SUN1: variants seen among roughly 807,000 people sequenced by gnomAD.
The protein encoded by SUN1 is SUN domain-containing protein 1.
SUN1 carries 61 observed loss-of-function variants against 103.2 expected under a neutral mutation model. That is an observed-to-expected ratio of 0.59 (90% confidence interval 0.48 to 0.73). SUN1 has a LOEUF of 0.73. SUN1 is among the 30% of genes least tolerant of loss of function. The pLI, the probability that SUN1 is intolerant of heterozygous loss-of-function variation, is 0.00. For synonymous variants in SUN1, 490 were observed against 425.7 expected (o/e 1.15, Z -1.86); for missense variants, 1,052 against 1,034.6 (o/e 1.02, Z -0.23).
At chr7:846,977 C>G (rs1816464864) in intron 5 of SUN1, among the ~76,000 whole-genome samples, 1 of 152,142 alleles carries the variant, frequency 6.6e-6, no homozygotes, top group African/African-American at 2.4e-5. Context: ...CATGCCCCTG[C>G]TAGGCCACAG....
intron 5 of SUN1, chr7:849,511 G>A: frequency 7.3e-7 from 1 of 1,366,548 alleles, no homozygotes; most frequent in Non-Finnish European, 9.8e-7. Context: ...TCTTTTGCGT[G>A]TGTTGCAGCT....
intron 13 of SUN1, among the ~76,000 whole-genome samples, chr7:858,904 C>T (rs1829948245): frequency 1.3e-5 from 2 of 152,154 alleles, no homozygotes; most frequent in African/African-American, 4.8e-5. Context: ...CCTGTGATTC[C>T]AGCACTCTGG....
chr7:862,933 C>G (rs551469879), intron 15 of SUN1, among the ~76,000 whole-genome samples: 67 of 152,304 alleles, frequency 4.4e-4, no homozygotes, highest in African/African-American at 1.5e-3. Context: ...AGGCAGATCA[C>G]AAGGTCAGGA....
chr7:840,967 T>C (rs1487120042), intron 2 of SUN1, among the ~76,000 whole-genome samples: 3 of 151,768 alleles, frequency 2.0e-5, no homozygotes, highest in African/African-American at 7.3e-5. Flanking sequence ...GAGTTTCGCT[T>C]TTGTTGCCCA....
upstream of SUN1, among the ~76,000 whole-genome samples, chr7:829,860 G>C (rs1029069997): frequency 1.3e-5 from 2 of 152,050 alleles, no homozygotes; most frequent in Non-Finnish European, 2.9e-5. Flanking sequence ...GGCCATAACT[G>C]TTCTTTTTTA....
chr7:874,176 C>T lies in SUN1; in HGVS notation c.*845C>T, dbSNP rs1843226459. ...AGCGCAAGACGCCCTGAGCCTCCCT[C>T]TCACTGGTGGTGATAAGAGGAGCCG... On this transcript the variant is annotated 3_prime_UTR_variant, in exon 19 of 19. Coordinates refer to ENST00000401592, the MANE Select transcript of SUN1 (RefSeq NM_001130965.3). 1 of 152,422 alleles carries T rather than the reference C, an allele frequency of 6.6e-6. No individual in the cohort carries two copies. The highest frequency in any genetic ancestry group is 6.5e-5 in the Admixed American group (1 of 15,286). 9.4% of individuals were successfully genotyped at this position (152,422 alleles called of 1,614,324 possible). A position where few individuals can be genotyped will look rare whatever the true frequency, so the allele number is the denominator to read the frequency against.
At chr7:842,531 C>G in intron 3 of SUN1, 1 of 212,208 alleles carries the variant, frequency 4.7e-6, no homozygotes, top group South Asian at 8.9e-5. Flanking sequence ...TCCAAGAAAG[C>G]TCTAAGCAGT....
Position 860,162 on chromosome 7 carries a change from T to C in SUN1, c.1559T>C (p.Leu520Pro). 1 of 1,614,226 alleles carries C rather than the reference T, an allele frequency of 6.2e-7. No individual in the cohort carries two copies. Among genetic ancestry groups the C allele is most frequent in the Non-Finnish European group, 8.5e-7 (1 of 1,180,028 alleles). ...CAAGTCAGAGAAATGGTGAAACTCC[T>C]GTTTTCCGAAGATCAGCAAGGCGGT... is the stretch of plus-strand genomic sequence containing the variant. ...DVQVREMVKLLFSEDQQGGSL... is the reference protein window; with the variant it reads ...DVQVREMVKLPFSEDQQGGSL... The change falls in exon 14 of 19, where the codon CTG becomes CCG. Residue 520 changes from leucine (L) to proline (P), a missense_variant. By Grantham distance (98) the Leu-to-Pro change is moderately conservative. Transcript: ENST00000401592.
upstream of SUN1, among the ~76,000 whole-genome samples, chr7:828,268 T>TTTTTG (rs202059220): frequency 4.0e-4 from 19 of 47,988 alleles, no homozygotes; most frequent in African/African-American, 2.0e-3. Context: ...TTGTTTTTTG[T>TTTTTG]TTTTGTTTTG....
chr7:856,489 C>G (rs1414137781), intron 12 of SUN1, 88 bp downstream of exon 12: 15 of 1,488,930 alleles, frequency 1.0e-5, no homozygotes, highest in Non-Finnish European at 1.4e-5. Flanking sequence ...ATGGGGGACC[C>G]GGGGCCGGCC....
intron 1 of SUN1, among the ~76,000 whole-genome samples, chr7:827,459 A>C (rs1432452665): frequency 6.6e-6 from 1 of 150,400 alleles, no homozygotes; most frequent in Non-Finnish European, 1.5e-5. Context: ...ACTAAAATCT[A>C]AAGTCCGTTT....
At position 872,459 on chromosome 7, in the gene SUN1, C is replaced by A; in HGVS notation, c.2149-11C>A. The A allele has an allele frequency of 9.4e-6, 15 of 1,589,632 alleles. No homozygotes were observed. Among genetic ancestry groups the A allele is most frequent in the Non-Finnish European group, 1.3e-5 (15 of 1,166,990 alleles). Reference sequence around the variant, plus strand: ...CCATTCGTTCATAATTGTGTATGGTCTTGTTTTCAGGGATTAGAAAATGAG... The same window carrying A: ...CCATTCGTTCATAATTGTGTATGGTATTGTTTTCAGGGATTAGAAAATGAG... On this transcript the variant is annotated splice_polypyrimidine_tract_variant and intron_variant, in intron 17 of 18. Transcript: ENST00000401592.
At chr7:824,269 C>G (rs1789209026) in intron 1 of SUN1, among the ~76,000 whole-genome samples, 1 of 152,188 alleles carries the variant, frequency 6.6e-6, no homozygotes, top group African/African-American at 2.4e-5. Flanking sequence ...TAAGGAAATG[C>G]ACATGAAAGC....
At chr7:855,788 C>A (rs1345415536) in intron 11 of SUN1, among the ~76,000 whole-genome samples, 1 of 151,858 alleles carries the variant, frequency 6.6e-6, no homozygotes, top group African/African-American at 2.4e-5. Flanking sequence ...TGGGGCGCCT[C>A]CTCCTCTGTC....
rs192114162 is a variant in SUN1, at chr7:843,943, G to A, written c.658+423G>A. ...TGTTCGTGTCGGGAAAACATTTCCC[G>A]TGGTCGCTAGCCCTGTGCTTATGGT... is the stretch of plus-strand genomic sequence containing the variant. On this transcript the variant is annotated intron_variant, in intron 5 of 18. Transcript: ENST00000401592. The A allele has an allele frequency of 5.2e-5, 56 of 1,075,880 alleles. No homozygotes were observed. In the East Asian group the frequency reaches 3.5e-3, roughly 68 times the overall value. 66.6% of individuals were successfully genotyped at this position (1,075,880 alleles called of 1,614,324 possible). A position where few individuals can be genotyped will look rare whatever the true frequency, so the allele number is the denominator to read the frequency against.
intron 15 of SUN1, among the ~76,000 whole-genome samples, chr7:861,701 C>T (rs149161639): frequency 1.8e-3 from 276 of 152,258 alleles, no homozygotes; most frequent in Middle Eastern, 3.4e-3. Flanking sequence ...GTGGCTAAGT[C>T]GAGGTTCACA....
intron 16 of SUN1, among the ~76,000 whole-genome samples, chr7:867,976 T>G (rs900359563): frequency 1.3e-5 from 2 of 152,188 alleles, no homozygotes; most frequent in East Asian, 1.9e-4. Flanking sequence ...CCCAGCACCC[T>G]GAGCTGGCAA....
Position 873,464 on chromosome 7 carries a change from A to G in SUN1, c.*133A>G, listed in dbSNP as rs1843000344. 2 of 901,500 alleles carry G rather than the reference A, an allele frequency of 2.2e-6. No individual in the cohort carries two copies. The highest frequency in any genetic ancestry group is 3.3e-5 in the South Asian group (2 of 60,186). 55.8% of individuals were successfully genotyped at this position (901,500 alleles called of 1,614,324 possible). A position where few individuals can be genotyped will look rare whatever the true frequency, so the allele number is the denominator to read the frequency against. On this transcript the variant is annotated 3_prime_UTR_variant, in exon 19 of 19. Transcript: ENST00000401592. Reference sequence around the variant, plus strand: ...CCTTCAATAAACGTGGCTGCTGGCCAGAGGACGTGAGCGTGTGACGGGCGC... The same window carrying G: ...CCTTCAATAAACGTGGCTGCTGGCCGGAGGACGTGAGCGTGTGACGGGCGC...
At chr7:839,488 G>A (rs976695780) in intron 2 of SUN1, among the ~76,000 whole-genome samples, 2 of 152,228 alleles carry the variant, frequency 1.3e-5, no homozygotes, top group African/African-American at 4.8e-5. Context: ...GGGTTCAAGC[G>A]ATTCTACTGC....
Sources: gnomAD v4.1 joint callset for allele counts (sites outside exome capture counted in the v4.1 genomes callset) on GRCh38, gnomAD v4.1.1 for gene constraint, MANE v1.5 for transcripts, NCBI Gene and HGNC (gene_info 2026-07-23, HGNC 2026-07-21) for gene names.